The following CSRNP3 variants were observed in gnomAD, a reference collection of about 807,000 sequenced individuals.
CSRNP3 encodes the protein cysteine and serine rich nuclear protein 3, also known as cysteine/serine-rich nuclear protein 3.
A neutral mutation model predicts 48.0 loss-of-function variants in CSRNP3; 12 were observed. That is an observed-to-expected ratio of 0.25 (90% confidence interval 0.16 to 0.41). The LOEUF (loss-of-function observed/expected upper bound fraction) is 0.41. CSRNP3 is among the 10% of genes least tolerant of loss of function. CSRNP3 has a pLI of 1.00. For synonymous variants in CSRNP3, 263 were observed against 269.7 expected (o/e 0.98, Z 0.24); for missense variants, 580 against 724.4 (o/e 0.80, Z 2.29).
At chr2:165,471,505 T>C (rs1683894463) in intron 1 of CSRNP3, among the ~76,000 whole-genome samples, 1 of 152,042 alleles carries the variant, frequency 6.6e-6, no homozygotes, top group Non-Finnish European at 1.5e-5. Flanking sequence ...GGGGAATTGA[T>C]GAAAATTAGA....
In CSRNP3 at chr2:165,657,908, A is replaced by C; in HGVS notation, c.296A>C (p.Asn99Thr). The C allele has an allele frequency of 6.2e-7, 1 of 1,614,154 alleles. No homozygotes were observed. The highest frequency in any genetic ancestry group is 8.5e-7 in the Non-Finnish European group (1 of 1,180,006). ...ACCCTGGGGATGTCCAGCCGCCATA[A>C]CAGCGTGCGCCAGTACACTCTTGGC... ...GSTLGMSSRH[N>T]SVRQYTLGEF... The change falls in exon 5 of 7, where the codon AAC becomes ACC. Residue 99 changes from asparagine (N) to threonine (T), a missense_variant. Physicochemically the swap from Asn to Thr is moderately conservative, Grantham distance 65. Transcript: ENST00000651982.
At chr2:165,638,380 G>A (rs1444677103) in intron 4 of CSRNP3, among the ~76,000 whole-genome samples, 1 of 151,954 alleles carries the variant, frequency 6.6e-6, no homozygotes, top group African/African-American at 2.4e-5. Flanking sequence ...AGAATTGCTT[G>A]AACCCAGGTG....
intron 4 of CSRNP3, among the ~76,000 whole-genome samples, chr2:165,646,346 T>G (rs1353423348): frequency 6.6e-6 from 1 of 152,158 alleles, no homozygotes; most frequent in Non-Finnish European, 1.5e-5. Flanking sequence ...TTTGTTTTGT[T>G]TCTTTGTTGT....
chr2:165,688,162 G>C lies in CSRNP3; in HGVS notation c.*8409G>C, dbSNP rs1453548218. ...TTGAAATAAGTCTGAGGCATAGTTT[G>C]TGAAACATGTTTCAAAAGTGTTTGA... On this transcript the variant is annotated 3_prime_UTR_variant, in exon 7 of 7. Transcript: ENST00000651982. 6.6e-6 allele frequency: 1 copy of C among 151,914 alleles called. No homozygotes were observed. The highest frequency in any genetic ancestry group is 1.5e-5 in the Non-Finnish European group (1 of 67,964). The allele number at this position is 151,914 out of a possible 1,614,324, so 9.4% of individuals were successfully genotyped here.
At chr2:165,612,411 C>T (rs1394337976) in intron 4 of CSRNP3, among the ~76,000 whole-genome samples, 1 of 152,012 alleles carries the variant, frequency 6.6e-6, no homozygotes, top group Non-Finnish European at 1.5e-5. Flanking sequence ...ATGATCATTT[C>T]TCTGTGTTGT....
intron 3 of CSRNP3, among the ~76,000 whole-genome samples, chr2:165,559,798 T>TG (rs1685207173): frequency 9.0e-6 from 1 of 111,470 alleles, no homozygotes; most frequent in Non-Finnish European, 1.7e-5. Context: ...CTTTCTTTCT[T>TG]TTTTTTTTTT....
intron 3 of CSRNP3, among the ~76,000 whole-genome samples, chr2:165,537,995 C>A (rs766909681): frequency 2.0e-5 from 3 of 151,652 alleles, no homozygotes; most frequent in Non-Finnish European, 4.4e-5. Flanking sequence ...CTCCTGAGGA[C>A]AGATGAGAAA....
At chr2:165,584,433 G>C (rs749049741) in intron 3 of CSRNP3, among the ~76,000 whole-genome samples, 1 of 152,134 alleles carries the variant, frequency 6.6e-6, no homozygotes, top group African/African-American at 2.4e-5. Flanking sequence ...CAAAGAGCTA[G>C]GTAGTAGCAA....
At chr2:165,669,743 G>A (rs2105357896) in intron 5 of CSRNP3, among the ~76,000 whole-genome samples, 1 of 152,192 alleles carries the variant, frequency 6.6e-6, no homozygotes, top group Non-Finnish European at 1.5e-5. Context: ...TTTACACAGT[G>A]GCTTAAGAAC....
chr2:165,655,564 C>T (rs1262640289), intron 4 of CSRNP3, among the ~76,000 whole-genome samples: 1 of 152,134 alleles, frequency 6.6e-6, no homozygotes, highest in Non-Finnish European at 1.5e-5. Flanking sequence ...TCTGCTTGAG[C>T]ACTTGTATCA....
At chr2:165,627,816 T>C (rs530453533) in intron 4 of CSRNP3, among the ~76,000 whole-genome samples, 1 of 152,262 alleles carries the variant, frequency 6.6e-6, no homozygotes, top group East Asian at 1.9e-4. Context: ...AGAGCATGCA[T>C]TTTTCTCATT....
intron 3 of CSRNP3, among the ~76,000 whole-genome samples, chr2:165,522,326 C>A (rs932289910): frequency 2.0e-5 from 3 of 147,694 alleles, no homozygotes; most frequent in Non-Finnish European, 4.5e-5. Context: ...AAACAAAAAA[C>A]CGCTTAACAG....
At chr2:165,657,131 C>G (rs1465878077) in intron 4 of CSRNP3, among the ~76,000 whole-genome samples, 1 of 152,176 alleles carries the variant, frequency 6.6e-6, no homozygotes, top group East Asian at 1.9e-4. Flanking sequence ...TCCAGCACAT[C>G]AGTGCTGTCT....
intron 5 of CSRNP3, among the ~76,000 whole-genome samples, chr2:165,669,999 TTC>T (rs1422239754): frequency 6.6e-6 from 1 of 152,168 alleles, no homozygotes; most frequent in East Asian, 1.9e-4. Context: ...AAAGAAGAAT[TTC>T]TCTCTGGATA....
chr2:165,661,050 T>C (rs1212816291), intron 5 of CSRNP3, among the ~76,000 whole-genome samples: 1 of 152,210 alleles, frequency 6.6e-6, no homozygotes, highest in Admixed American at 6.5e-5. Context: ...ATATTTTCAT[T>C]GTAATTCCTC....
At chr2:165,540,540 G>C (rs1353456409) in intron 3 of CSRNP3, among the ~76,000 whole-genome samples, 1 of 152,068 alleles carries the variant, frequency 6.6e-6, no homozygotes, top group Non-Finnish European at 1.5e-5. Context: ...TCCTTCGAAA[G>C]CTTAACTGTG....
Position 165,524,251 on chromosome 2 carries a change from A to G in CSRNP3, c.-24+6290A>G, listed in dbSNP as rs1469947427. On this transcript the variant is annotated intron_variant, in intron 3 of 6. Transcript: ENST00000651982. ...AGGGAAGGACGATGGCTTATTGAGT[A>G]GATGGTACTAAAACAATTCTTTAAC... Among the ~76,000 whole-genome samples the G allele has an allele frequency of 2.0e-5, 3 of 152,200 alleles. No homozygotes were observed. The South Asian group carries it at 6.2e-4, about 31-fold the overall frequency.
intron 3 of CSRNP3, among the ~76,000 whole-genome samples, chr2:165,526,004 T>A (rs1202804755): frequency 1.3e-5 from 2 of 152,244 alleles, no homozygotes; most frequent in African/African-American, 2.4e-5. Context: ...GACTATTTTT[T>A]ATCCACTAAA....
intron 1 of CSRNP3, among the ~76,000 whole-genome samples, chr2:165,492,567 T>G (rs1220371823): frequency 6.6e-6 from 1 of 152,020 alleles, no homozygotes; most frequent in Non-Finnish European, 1.5e-5. Context: ...TAAATGTTCT[T>G]GCTCAGTCAA....
Sources: allele counts gnomAD v4.1 joint callset (sites outside exome capture counted in the v4.1 genomes callset), GRCh38; gene constraint gnomAD v4.1.1; transcripts MANE v1.5; gene names NCBI Gene and HGNC (gene_info 2026-07-23, HGNC 2026-07-21).